Variants in GABRG2 observed in about 807,000 individuals in gnomAD.
GABRG2 encodes gamma-aminobutyric acid type A receptor subunit gamma2.
Under a neutral mutation model 56.4 loss-of-function variants are expected in GABRG2, and 16 were observed. That is an observed-to-expected ratio of 0.28 (90% confidence interval 0.19 to 0.43). The LOEUF (loss-of-function observed/expected upper bound fraction) is 0.43, where lower values mean the gene tolerates loss of function less well. Among genes scored for constraint, GABRG2 ranks in the 20% least tolerant of loss-of-function variants. GABRG2 has a pLI of 1.00. For missense variants in GABRG2, 327 were observed against 582.7 expected (o/e 0.56, Z 4.52); for synonymous variants, 208 against 205.5 (o/e 1.01, Z -0.10).
intron 5 of GABRG2, chr5:162,102,655 A>C (rs759678544): frequency 8.9e-6 from 4 of 451,084 alleles, no homozygotes; most frequent in South Asian, 6.2e-5. Context: ...CTTGGCCTCC[A>C]GAGTAGCTGG....
intron 1 of GABRG2, among the ~76,000 whole-genome samples, chr5:162,081,348 A>T (rs1759648977): frequency 6.6e-6 from 1 of 152,212 alleles, no homozygotes. Context: ...TTAAGTTATC[A>T]TACAGCATAA....
intron 6 of GABRG2, among the ~76,000 whole-genome samples, chr5:162,137,018 GAAT>G (rs1275646341): frequency 2.6e-5 from 4 of 152,244 alleles, no homozygotes; most frequent in African/African-American, 9.6e-5. Flanking sequence ...GTTAATGAGA[GAAT>G]AAACAACCCC....
chr5:162,097,985 T>A, intron 4 of GABRG2, 127 bp downstream of exon 4: 1 of 790,216 alleles, frequency 1.3e-6, no homozygotes. Context: ...AGGGTTGGCA[T>A]GCTATCAATT....
intron 6 of GABRG2, among the ~76,000 whole-genome samples, chr5:162,108,566 T>G (rs2113400658): frequency 6.6e-6 from 1 of 152,274 alleles, no homozygotes; most frequent in South Asian, 2.1e-4. Context: ...CCAAAACAAC[T>G]TGAAGCGATT....
rs1561647263 is a variant in GABRG2 at position 162,109,413 on chromosome 5, TA to T, written c.769+5388del. ...TAATATATATATATATATATATATA[TA>T]TATATATATTTATTTATATAAAATG... On this transcript the variant is annotated intron_variant, in intron 6 of 9. Transcript: ENST00000639213. Among the ~76,000 whole-genome samples, 709 of 139,904 alleles carry T rather than the reference TA, an allele frequency of 5.1e-3. 8 individuals carry two copies. Among genetic ancestry groups the T allele is most frequent in the African/African-American group, 0.017 (620 of 36,178 alleles). 91.8% of individuals were successfully genotyped at this position (139,904 alleles called of 152,430 possible). A position where few individuals can be genotyped will look rare whatever the true frequency, so the allele number is the denominator to read the frequency against.
intron 6 of GABRG2, among the ~76,000 whole-genome samples, chr5:162,132,602 G>A (rs1040866266): frequency 6.6e-6 from 1 of 151,932 alleles, no homozygotes; most frequent in Non-Finnish European, 1.5e-5. Flanking sequence ...GTAAATGACT[G>A]CAACATTTCT....
At chr5:162,127,674 C>T (rs779681046) in intron 6 of GABRG2, among the ~76,000 whole-genome samples, 4 of 151,894 alleles carry the variant, frequency 2.6e-5, no homozygotes, top group African/African-American at 7.3e-5. Context: ...CTGAATTCAC[C>T]GTATTTTGTC....
In GABRG2 at chr5:162,095,496, G is replaced by A. The variant is rs1471201181; in HGVS notation, c.261G>A (p.Val87=). ...YDNKLRPDIG[V]KPTLIHTDMY... ...ACATTTCTATGTTTCTCTTTACAGT[G>A]AAGCCAACGTTAATTCACACAGACA... Residue 87 remains valine, a splice_region_variant and synonymous_variant, in exon 3 of 10, where the codon GTG becomes GTA. Coordinates refer to ENST00000639213, the MANE Select transcript of GABRG2 (RefSeq NM_198904.4). 1 of 1,600,048 alleles carries A rather than the reference G, an allele frequency of 6.2e-7. No homozygotes were observed. The highest frequency in any genetic ancestry group is 8.6e-7 in the Non-Finnish European group (1 of 1,168,158).
At chr5:162,081,198 T>G (rs1272274524) in intron 1 of GABRG2, among the ~76,000 whole-genome samples, 1 of 152,034 alleles carries the variant, frequency 6.6e-6, no homozygotes, top group East Asian at 1.9e-4. Flanking sequence ...TTAATGAAAT[T>G]TTATTTCTCC....
intron 6 of GABRG2, among the ~76,000 whole-genome samples, chr5:162,132,869 C>T (rs185057790): frequency 1.3e-5 from 2 of 152,098 alleles, no homozygotes; most frequent in East Asian, 3.9e-4. Flanking sequence ...CAACCATACT[C>T]TATACAAACA....
rs553076177 is a variant in GABRG2 at position 162,114,926 on chromosome 5, G to A, written c.769+10900G>A. Among the ~76,000 whole-genome samples the A allele has an allele frequency of 6.6e-5, 10 of 151,364 alleles. 1 individual carries two copies. In the East Asian group the frequency reaches 7.7e-4, roughly 12 times the overall value. ...GTAAGCAGCTAAAAGCTTTGTTGCC[G>A]TTTTTGGTTTGTTGCCGTTTTGCTT... On this transcript the variant is annotated intron_variant, in intron 6 of 9. Transcript: ENST00000639213.
rs187800583 is a variant in GABRG2, at chr5:162,122,061, A to T, written c.769+18035A>T. On this transcript the variant is annotated intron_variant, in intron 6 of 9. Transcript: ENST00000639213. ...AAAAACATTCTTAACTTTAAATTAC[A>T]TAAGAAGCATAAGAAAATTTGTGAA... is the stretch of plus-strand genomic sequence containing the variant. Among the ~76,000 whole-genome samples, 21 of 152,136 alleles carry T rather than the reference A, an allele frequency of 1.4e-4. No homozygotes were observed. In the Middle Eastern group the frequency reaches 0.01, roughly 74 times the overall value.
intron 8 of GABRG2, chr5:162,149,597 C>G: frequency 2.7e-6 from 2 of 742,184 alleles, no homozygotes. Context: ...TGACCTTCTT[C>G]TTGTTGCTAT....
intron 7 of GABRG2, among the ~76,000 whole-genome samples, chr5:162,146,397 T>C (rs578225790): frequency 2.0e-5 from 3 of 152,232 alleles, no homozygotes; most frequent in East Asian, 1.9e-4. Context: ...AATACTTACA[T>C]TATAGAAGCA....
chr5:162,123,821 CCTGT>C (rs1763137079), intron 6 of GABRG2, among the ~76,000 whole-genome samples: 1 of 151,870 alleles, frequency 6.6e-6, no homozygotes, highest in Admixed American at 6.6e-5. Flanking sequence ...TGTAAATGGG[CCTGT>C]CTACCTCCAA....
chr5:162,073,249 G>A (rs543150739), intron 1 of GABRG2, among the ~76,000 whole-genome samples: 1 of 151,482 alleles, frequency 6.6e-6, no homozygotes, highest in East Asian at 1.9e-4. Context: ...GAAATGCTTA[G>A]CAGCAGTCTG....
At chr5:162,112,331 G>A (rs1762308661) in intron 6 of GABRG2, among the ~76,000 whole-genome samples, 1 of 151,788 alleles carries the variant, frequency 6.6e-6, no homozygotes, top group East Asian at 1.9e-4. Flanking sequence ...ACATTTAAGA[G>A]ACATTTACAT....
chr5:162,103,156 GACAA>G (rs1447459725), intron 5 of GABRG2: 4 of 153,278 alleles, frequency 2.6e-5, no homozygotes, highest in African/African-American at 9.7e-5. Context: ...CCTATAAGAG[GACAA>G]ACAATTTAGG....
intron 1 of GABRG2, among the ~76,000 whole-genome samples, chr5:162,080,880 T>C (rs955367298): frequency 1.3e-5 from 2 of 152,206 alleles, no homozygotes; most frequent in Non-Finnish European, 2.9e-5. Context: ...TTTATGGCAT[T>C]GTAATGAAAT....
Sources: gnomAD v4.1 joint callset for allele counts (sites outside exome capture counted in the v4.1 genomes callset) on GRCh38, gnomAD v4.1.1 for gene constraint, MANE v1.5 for transcripts, NCBI Gene and HGNC (gene_info 2026-07-23, HGNC 2026-07-21) for gene names.